Variants in TSC1 observed in about 807,000 individuals in gnomAD.
The protein encoded by TSC1 is TSC complex subunit 1.
TSC1 carries 20 observed loss-of-function variants against 124.3 expected under a neutral mutation model. That is an observed-to-expected ratio of 0.16 (90% CI 0.11 to 0.23). The LOEUF is 0.23. Ranked by LOEUF, TSC1 falls within the 10% of genes least tolerant of loss-of-function variation. The pLI is 1.00. For synonymous variants in TSC1, 493 were observed against 539.1 expected, an observed-to-expected ratio of 0.91 and a Z score of 1.19; for missense variants, 1,124 against 1,448.5, an observed-to-expected ratio of 0.78 and a Z score of 3.64.
rs1387780809 is a variant in TSC1, at chr9:132,921,521, G to A, written c.664-85C>T. ...TGGAATATTAGTTGACAATTAAAAG[G>A]AATGAAGTACTGATACATGTTATAA... On this transcript the variant is annotated intron_variant, in intron 7 of 22. Coordinates refer to ENST00000298552, the MANE Select transcript of TSC1 (RefSeq NM_000368.5). This position sits in a 1 kb window ranked among gnomAD's most constrained non-coding sequence, Gnocchi z 4.3. 2.0e-6 allele frequency: 3 copies of A among 1,472,038 alleles called. No homozygotes were observed. Among genetic ancestry groups the A allele is most frequent in the East Asian group, 4.6e-5 (2 of 43,712 alleles). 91.2% of individuals were successfully genotyped at this position (1,472,038 alleles called of 1,614,324 possible).
At chr9:132,914,017 G>T (rs1846131687) in intron 8 of TSC1, among the ~76,000 whole-genome samples, 1 of 144,340 alleles carries the variant, frequency 6.9e-6, no homozygotes, top group Non-Finnish European at 1.5e-5. Flanking sequence ...TCCTGCCTCA[G>T]TCTCCCGAGT....
chr9:132,933,482 G>A (rs537573911), intron 2 of TSC1, among the ~76,000 whole-genome samples: 9 of 152,168 alleles, frequency 5.9e-5, no homozygotes, highest in East Asian at 1.9e-4. Context: ...TGCTAAAGGC[G>A]GCCAACAATT....
chr9:132,919,771 G>A (rs1192653473), intron 8 of TSC1, among the ~76,000 whole-genome samples: 3 of 152,152 alleles, frequency 2.0e-5, no homozygotes, highest in Non-Finnish European at 4.4e-5. Flanking sequence ...GAACCAGTTC[G>A]GATCAGAACA....
rs554260296 is a variant in TSC1 at position 132,910,819 on chromosome 9, T to C, written c.1142-127A>G. 3.5e-6 allele frequency: 5 copies of C among 1,436,572 alleles called. No homozygotes were observed. The South Asian group carries it at 5.8e-5, about 17-fold the overall frequency. The allele number at this position is 1,436,572 out of a possible 1,614,324, so 89.0% of individuals were successfully genotyped here. A position where few individuals can be genotyped will look rare whatever the true frequency, so the allele number is the denominator to read the frequency against. On this transcript the variant is annotated intron_variant, in intron 11 of 22. Transcript: ENST00000298552. ...AGAGTTAACTTTCTGGGGATCTAGA[T>C]CAGTCTCTCTCTTTTTTGTTTTTAG...
Position 132,907,009 on chromosome 9 carries a change from A to G in TSC1, c.1334-174T>C, listed in dbSNP as rs117147322. ...AAAAGACTGAAATATTAAAAATAAT[A>G]TAACTAAAAGTACCAAAAATAATCC... On this transcript the variant is annotated intron_variant, in intron 13 of 22. Coordinates refer to ENST00000298552, the MANE Select transcript of TSC1 (RefSeq NM_000368.5). 0.023 allele frequency among the ~76,000 whole-genome samples: 3,444 copies of G among 152,326 alleles called. 64 individuals carry two copies. The highest frequency in any genetic ancestry group is 0.035 in the Non-Finnish European group (2,373 of 68,020).
chr9:132,907,869 T>A (rs1431877139), intron 12 of TSC1, among the ~76,000 whole-genome samples: 2 of 152,222 alleles, frequency 1.3e-5, no homozygotes, highest in Non-Finnish European at 1.5e-5. Context: ...AGTGGATCCC[T>A]TGAGCTCAGC....
intron 1 of TSC1, 139 bp from the exon 2 acceptor site, chr9:132,935,234 A>G (rs997439390): frequency 2.0e-5 from 8 of 395,478 alleles, no homozygotes; most frequent in Non-Finnish European, 3.6e-5. Context: ...ATGAACACTC[A>G]TAATCATTGG....
chr9:132,896,473 C>T lies in TSC1; in HGVS notation c.3257G>A (p.Ser1086Asn), dbSNP rs774286125. Residue 1086 changes from serine (S) to asparagine (N), a missense_variant, in exon 23 of 23, where the codon AGC (serine) becomes AAC (asparagine). This residue lies in a region of TSC1 where 325 missense variants were observed against 383.4 expected (regional missense o/e 0.85). Coordinates refer to ENST00000298552, the MANE Select transcript of TSC1 (RefSeq NM_000368.5). This position sits in a 1 kb window ranked among gnomAD's most constrained non-coding sequence, Gnocchi z 4.5. The part of the protein sequence containing the change: ...TTVGSLPSSK[S>N]FLGMKARELF... ...CTCTCGAGCCTTCATACCCAGGAAG[C>T]TTTTTGAACTGGGAAGTGAGCCCAC... is the stretch of plus-strand genomic sequence containing the variant. 1.2e-6 allele frequency: 2 copies of T among 1,614,230 alleles called. No individual in the cohort carries two copies. The highest frequency in any genetic ancestry group is 1.7e-6 in the Non-Finnish European group (2 of 1,180,050).
chr9:132,933,669 C>G (rs1397777402), intron 2 of TSC1, among the ~76,000 whole-genome samples: 1 of 152,184 alleles, frequency 6.6e-6, no homozygotes, highest in Non-Finnish European at 1.5e-5. Flanking sequence ...ATAGTGACCA[C>G]AGGAGTAACC....
Position 132,905,658 on chromosome 9 carries a change from C to T in TSC1, c.1920G>A (p.Val640=), listed in dbSNP as rs1441374524. ...GCACTTCCATTGGGGAGGTAGAGGG[C>T]ACACCATCTTCCTCTGTGTTTCCTT... ...KAKGNTEEDG[V]PSTSPMEVLD... The change falls in exon 15 of 23, where the codon GTG becomes GTA. Residue 640 remains valine (V), a synonymous_variant. Transcript: ENST00000298552. 1.2e-6 allele frequency: 2 copies of T among 1,614,236 alleles called. No homozygotes were observed. Among genetic ancestry groups the T allele is most frequent in the Non-Finnish European group, 8.5e-7 (1 of 1,180,038 alleles).
intron 12 of TSC1, among the ~76,000 whole-genome samples, chr9:132,908,361 C>T (rs975878906): frequency 6.6e-6 from 1 of 152,184 alleles, no homozygotes; most frequent in Non-Finnish European, 1.5e-5. Flanking sequence ...TCTACCTCTA[C>T]ATTCAGTCTG....
rs544849153 is a variant in TSC1 at position 132,938,072 on chromosome 9, G to A, written c.-143-2977C>T. Among the ~76,000 whole-genome samples the A allele has an allele frequency of 2.1e-4, 32 of 152,220 alleles. 1 individual carries two copies. Among genetic ancestry groups the A allele is most frequent in the African/African-American group, 7.7e-4 (32 of 41,522 alleles). On this transcript the variant is annotated intron_variant, in intron 1 of 22. Coordinates refer to ENST00000298552, the MANE Select transcript of TSC1 (RefSeq NM_000368.5). ...TAAGACTTTTAATTTCTTTATTACT[G>A]CACTAAAAATGATAATGGTACTAAA...
intron 9 of TSC1, among the ~76,000 whole-genome samples, chr9:132,911,977 A>G (rs933886054): frequency 6.6e-6 from 1 of 152,242 alleles, no homozygotes; most frequent in African/African-American, 2.4e-5. Flanking sequence ...TGAAAATCAG[A>G]AAGATTCCCT....
intron 1 of TSC1, among the ~76,000 whole-genome samples, chr9:132,938,210 G>A (rs935450351): frequency 6.6e-6 from 1 of 152,078 alleles, no homozygotes; most frequent in African/African-American, 2.4e-5. Context: ...TCCTATGGGG[G>A]TACTACAAGG....
chr9:132,915,940 A>G (rs972473494), intron 8 of TSC1, among the ~76,000 whole-genome samples: 1 of 152,244 alleles, frequency 6.6e-6, no homozygotes, highest in African/African-American at 2.4e-5. Context: ...CATTCTCAGC[A>G]TGACTAGAAA....
intron 6 of TSC1, among the ~76,000 whole-genome samples, chr9:132,922,864 C>T (rs1846641782): frequency 6.6e-6 from 1 of 151,876 alleles, no homozygotes; most frequent in Admixed American, 6.6e-5. Flanking sequence ...TGCTACCTGC[C>T]GATAGGGGAA....
rs74362385 is a variant in TSC1, at chr9:132,894,450, T to C, written c.*1785A>G. 2,148 of 228,776 alleles carry C rather than the reference T, an allele frequency of 9.4e-3. 42 individuals are homozygous for C. Among genetic ancestry groups the C allele is most frequent in the African/African-American group, 0.044 (2,003 of 45,186 alleles). The allele number at this position is 228,776 out of a possible 1,614,324, so 14.2% of individuals were successfully genotyped here. A position where few individuals can be genotyped will look rare whatever the true frequency, so the allele number is the denominator to read the frequency against. On this transcript the variant is annotated 3_prime_UTR_variant, in exon 23 of 23. Transcript: ENST00000298552. ...AACTAGACTGTATTGGGTTTTAAGCTTTCCTTTGGACAAAGCTGAATTAAA... is the reference window on the plus strand; with the variant it reads ...AACTAGACTGTATTGGGTTTTAAGCCTTCCTTTGGACAAAGCTGAATTAAA...
At chr9:132,897,899 G>C (rs1003405012) in intron 20 of TSC1, among the ~76,000 whole-genome samples, 12 of 152,178 alleles carry the variant, frequency 7.9e-5, no homozygotes, top group Admixed American at 1.3e-4. Context: ...CATCGTTTAA[G>C]TCTAATGTCA....
intron 1 of TSC1, 112 bp downstream of exon 1, chr9:132,944,431 G>A: frequency 2.5e-6 from 1 of 396,496 alleles, no homozygotes; most frequent in East Asian, 3.6e-5. Flanking sequence ...TCCCTACCAA[G>A]CAAGTGAGTC....
Sources: allele counts gnomAD v4.1 joint callset (sites outside exome capture counted in the v4.1 genomes callset), GRCh38; gene constraint gnomAD v4.1.1; regional missense constraint gnomAD v4.1.1; non-coding constraint Gnocchi (gnomAD v3.1); transcripts MANE v1.5; gene names NCBI Gene and HGNC (gene_info 2026-07-23, HGNC 2026-07-21).